ZNF761: variants seen among roughly 807,000 people sequenced by gnomAD.
ZNF761 encodes zinc finger protein 761.
Under a neutral mutation model 59.9 loss-of-function variants are expected in ZNF761, and 43 were observed. That is an observed-to-expected ratio of 0.72 (90% CI 0.56 to 0.92). The LOEUF (loss-of-function observed/expected upper bound fraction) is 0.92. Among genes scored for constraint, ZNF761 ranks in the 40% least tolerant of loss-of-function variants. The pLI is 0.00. For missense variants in ZNF761, 850 were observed against 906.1 expected (o/e 0.94, Z 0.79); for synonymous variants, 294 against 304.8 (o/e 0.96, Z 0.37).
chr19:53,437,040 C>G (rs1056675187), intron 1 of ZNF761, among the ~76,000 whole-genome samples: 10 of 152,038 alleles, frequency 6.6e-5, no homozygotes, highest in African/African-American at 2.4e-4. Flanking sequence ...TTTCGTGACC[C>G]AGCGCAGTGG....
At position 53,456,942 on chromosome 19, in the gene ZNF761, A is replaced by G. The variant is rs1318192410; in HGVS notation, c.*194A>G. The G allele has an allele frequency of 2.6e-6, 2 of 755,854 alleles. No homozygotes were observed. The highest frequency in any genetic ancestry group is 4.5e-6 in the Non-Finnish European group (2 of 449,282). 46.8% of individuals were successfully genotyped at this position (755,854 alleles called of 1,614,324 possible). A position where few individuals can be genotyped will look rare whatever the true frequency, so the allele number is the denominator to read the frequency against. ...AATGTCACAAAGTTTACAGTCGCAC[A>G]TCAAACCGTGAAAGACAGGAGAATT... On this transcript the variant is annotated 3_prime_UTR_variant, in exon 5 of 5. Transcript: ENST00000684525.
chr19:53,437,303 G>GC (rs377217789), intron 1 of ZNF761, among the ~76,000 whole-genome samples: 68 of 137,434 alleles, frequency 4.9e-4, no homozygotes, highest in African/African-American at 1.5e-3. Context: ...GGGCGACAGA[G>GC]CAAGACTCCA....
At chr19:53,442,129 A>G (rs2086107392) in intron 1 of ZNF761, 2 of 1,059,290 alleles carry the variant, frequency 1.9e-6, no homozygotes, top group Non-Finnish European at 1.4e-6. Flanking sequence ...AGAGTGAGAG[A>G]GATACAAAGG....
intron 3 of ZNF761, 77 bp downstream of exon 3, chr19:53,447,360 C>T: frequency 1.3e-6 from 2 of 1,583,262 alleles, no homozygotes. Context: ...GGAATCTTCT[C>T]TGAGTCTGAA....
intron 2 of ZNF761, among the ~76,000 whole-genome samples, chr19:53,446,890 G>A (rs751321202): frequency 2.0e-5 from 3 of 152,154 alleles, no homozygotes; most frequent in Non-Finnish European, 4.4e-5. Flanking sequence ...CCAGAGTGCT[G>A]GGATGACAGG....
intron 1 of ZNF761, among the ~76,000 whole-genome samples, chr19:53,439,712 A>G (rs562174336): frequency 6.6e-6 from 1 of 152,272 alleles, no homozygotes; most frequent in African/African-American, 2.4e-5. Flanking sequence ...ACTGGCCTGT[A>G]TTCATTTGAA....
chr19:53,435,336 C>CTTTTT (rs2086028839), intron 1 of ZNF761, among the ~76,000 whole-genome samples: 8 of 66,532 alleles, frequency 1.2e-4, no homozygotes, highest in African/African-American at 4.1e-4. Context: ...TGGAGTTTTG[C>CTTTTT]TCTTGTTGCC....
At chr19:53,439,425 C>T (rs113568784) in intron 1 of ZNF761, among the ~76,000 whole-genome samples, 1,873 of 152,046 alleles carry the variant, frequency 0.012, 44 homozygotes, top group African/African-American at 0.043. Flanking sequence ...CCTGCCTCAG[C>T]CTCCCGAATA....
At chr19:53,442,470 G>A in intron 1 of ZNF761, 1 of 754,420 alleles carries the variant, frequency 1.3e-6, no homozygotes, top group Non-Finnish European at 2.4e-6. Context: ...GACCCATGCT[G>A]AGTTGGCTGA....
Position 53,456,377 on chromosome 19 carries a change from C to A in ZNF761, c.1870C>A (p.His624Asn). Residue 624 changes from histidine (H) to asparagine (N), a missense_variant, in exon 5 of 5, where the codon CAT becomes AAT. Physicochemically the swap from His to Asn is moderately conservative, Grantham distance 68. Coordinates refer to ENST00000684525, the MANE Select transcript of ZNF761 (RefSeq NM_001289951.2). ...TFSRTSSLTC[H>N]RRLHTGEKPY... ...CAGTCGGACGTCATCCCTTACATGC[C>A]ATCGTAGACTTCATACCGGAGAGAA... The A allele has an allele frequency of 1.2e-6, 2 of 1,613,992 alleles. No individual in the cohort carries two copies. Among genetic ancestry groups the A allele is most frequent in the Non-Finnish European group, 1.7e-6 (2 of 1,179,966 alleles).
chr19:53,446,673 C>A (rs1341560238), intron 2 of ZNF761, among the ~76,000 whole-genome samples: 1 of 150,978 alleles, frequency 6.6e-6, no homozygotes, highest in African/African-American at 2.4e-5. Context: ...AAGCCTGGCT[C>A]AGTTTTTTTA....
chr19:53,451,959 T>C (rs1464243056), intron 4 of ZNF761, among the ~76,000 whole-genome samples: 2 of 152,118 alleles, frequency 1.3e-5, no homozygotes, highest in Non-Finnish European at 2.9e-5. Flanking sequence ...TAGTACAGGC[T>C]CTAAACTTCC....
At position 53,456,848 on chromosome 19, in the gene ZNF761, T is replaced by G; in HGVS notation, c.*100T>G. On this transcript the variant is annotated 3_prime_UTR_variant, in exon 5 of 5. Coordinates refer to ENST00000684525, the MANE Select transcript of ZNF761 (RefSeq NM_001289951.2). The stretch of plus-strand genomic sequence containing the variant: ...AGAAATGTGAAGCATGTGATAAAGT[T>G]TACAGTGGCAAATCAAGCCTCAGAA... 7.4e-7 allele frequency: 1 copy of G among 1,350,358 alleles called. No homozygotes were observed. The highest frequency in any genetic ancestry group is 1.0e-6 in the Non-Finnish European group (1 of 963,240). The allele number at this position is 1,350,358 out of a possible 1,614,324, so 83.6% of individuals were successfully genotyped here.
intron 4 of ZNF761, among the ~76,000 whole-genome samples, chr19:53,452,074 C>T (rs528497464): frequency 2.0e-4 from 30 of 152,244 alleles, no homozygotes; most frequent in African/African-American, 6.3e-4. Context: ...ACTGGCCACC[C>T]GAGGTGGCTC....
intron 4 of ZNF761, among the ~76,000 whole-genome samples, chr19:53,453,244 C>T (rs561449601): frequency 1.4e-4 from 21 of 152,234 alleles, no homozygotes; most frequent in African/African-American, 5.1e-4. Flanking sequence ...CTTCATGATC[C>T]GCCTGCCTCA....
chr19:53,445,278 A>T (rs1353697066), intron 1 of ZNF761: 4 of 152,150 alleles, frequency 2.6e-5, no homozygotes, highest in African/African-American at 7.2e-5. Flanking sequence ...ATTTTCTTCT[A>T]AGGAAAAATT....
intron 1 of ZNF761, chr19:53,445,209 C>G (rs192661055): frequency 1.5e-4 from 23 of 152,188 alleles, no homozygotes; most frequent in African/African-American, 5.1e-4. Flanking sequence ...CCCTCTTTCG[C>G]TATTTTCAAG....
chr19:53,447,973 G>GT (rs1474180463), intron 3 of ZNF761, among the ~76,000 whole-genome samples: 1 of 152,052 alleles, frequency 6.6e-6, no homozygotes, highest in Non-Finnish European at 1.5e-5. Flanking sequence ...TTCATTAAAC[G>GT]TTTTTATAAT....
chr19:53,445,172 T>G (rs1411543479), intron 1 of ZNF761: 1 of 151,966 alleles, frequency 6.6e-6, no homozygotes, highest in African/African-American at 2.4e-5. Flanking sequence ...TTGAAAAAAT[T>G]TGCTTATGTC....
Sources: gnomAD v4.1 joint callset for allele counts (sites outside exome capture counted in the v4.1 genomes callset) on GRCh38, gnomAD v4.1.1 for gene constraint, MANE v1.5 for transcripts, NCBI Gene and HGNC (gene_info 2026-07-23, HGNC 2026-07-21) for gene names.